Variants in AFG1L observed in about 807,000 individuals in gnomAD.
AFG1L encodes the protein AFG1-like ATPase.
AFG1L carries 53 observed loss-of-function variants against 62.2 expected under a neutral mutation model. The observed-to-expected ratio is 0.85, with a 90% CI of 0.68 to 1.07. The LOEUF is 1.07. AFG1L is among the 50% of genes least tolerant of loss of function. The pLI, the probability that AFG1L is intolerant of heterozygous loss-of-function variation, is 0.00. For synonymous variants in AFG1L, 228 were observed against 210.3 expected (o/e 1.08, Z -0.73); for missense variants, 555 against 590.5 (o/e 0.94, Z 0.62).
At chr6:108,427,139 A>G (rs1008976174) in intron 7 of AFG1L, among the ~76,000 whole-genome samples, 8 of 151,934 alleles carry the variant, frequency 5.3e-5, no homozygotes, top group African/African-American at 1.7e-4. Context: ...GTCTTTCCCT[A>G]TTGCCCAGGC....
intron 6 of AFG1L, among the ~76,000 whole-genome samples, chr6:108,401,317 T>A (rs1290864210): frequency 6.6e-6 from 1 of 151,546 alleles, no homozygotes; most frequent in Non-Finnish European, 1.5e-5. Flanking sequence ...TAATTTTTTG[T>A]ATTTTTAGTA....
At position 108,316,241 on chromosome 6, in the gene AFG1L, C is replaced by T. The variant is rs1448588577; in HGVS notation, c.140-7584C>T. ...CTAAAAATACAAAAAATTAGCCGGGCGTAGTGGCGGGCGCCTGTAGTCCCA... is the reference window on the plus strand; with the variant it reads ...CTAAAAATACAAAAAATTAGCCGGGTGTAGTGGCGGGCGCCTGTAGTCCCA... On this transcript the variant is annotated intron_variant, in intron 1 of 12. Coordinates refer to ENST00000368977, the MANE Select transcript of AFG1L (RefSeq NM_145315.5). Among the ~76,000 whole-genome samples, 721 of 148,006 alleles carry T rather than the reference C, an allele frequency of 4.9e-3. 2 individuals carry two copies. Among genetic ancestry groups the T allele is most frequent in the African/African-American group, 0.015 (589 of 40,358 alleles).
At chr6:108,304,819 C>T (rs1777142816) in intron 1 of AFG1L, among the ~76,000 whole-genome samples, 1 of 152,126 alleles carries the variant, frequency 6.6e-6, no homozygotes, top group South Asian at 2.1e-4. Flanking sequence ...TACTTTGAAG[C>T]ATTTTGATCA....
At chr6:108,404,945 G>A (rs1167888113) in intron 7 of AFG1L, among the ~76,000 whole-genome samples, 5 of 152,020 alleles carry the variant, frequency 3.3e-5, no homozygotes, top group Non-Finnish European at 7.4e-5. Context: ...GGCCAGGCTG[G>A]TCTCAAACTC....
chr6:108,348,907 A>AC (rs2114427324), intron 3 of AFG1L, among the ~76,000 whole-genome samples: 1 of 152,094 alleles, frequency 6.6e-6, no homozygotes, highest in Admixed American at 6.5e-5. Context: ...CTGTAAAAGC[A>AC]CTTTTTTTTT....
intron 3 of AFG1L, among the ~76,000 whole-genome samples, chr6:108,351,180 T>C (rs1269830715): frequency 6.6e-6 from 1 of 152,242 alleles, no homozygotes; most frequent in African/African-American, 2.4e-5. Context: ...AGGACATTTC[T>C]GTATACTACT....
intron 7 of AFG1L, among the ~76,000 whole-genome samples, chr6:108,419,715 C>CTGT (rs1021148534): frequency 2.6e-5 from 4 of 151,994 alleles, no homozygotes; most frequent in African/African-American, 9.7e-5. Flanking sequence ...TGTTTCTTGA[C>CTGT]TGTTGTGCAT....
chr6:108,482,577 T>G (rs1435599704), intron 10 of AFG1L, among the ~76,000 whole-genome samples: 2 of 152,182 alleles, frequency 1.3e-5, no homozygotes. Context: ...ATGTCCTTTT[T>G]CTGTTCCACA....
chr6:108,413,565 G>A (rs1385634624), intron 7 of AFG1L, among the ~76,000 whole-genome samples: 2 of 152,110 alleles, frequency 1.3e-5, no homozygotes. Flanking sequence ...ACAACAAACT[G>A]TCTCTCAGAC....
Position 108,516,401 on chromosome 6 carries a change from C to T in AFG1L, c.1204-3296C>T, listed in dbSNP as rs569842703. 3.9e-5 allele frequency among the ~76,000 whole-genome samples: 6 copies of T among 152,248 alleles called. No individual in the cohort carries two copies. The South Asian group carries it at 1.2e-3, about 32-fold the overall frequency. On this transcript the variant is annotated intron_variant, in intron 11 of 12. Coordinates refer to ENST00000368977, the MANE Select transcript of AFG1L (RefSeq NM_145315.5). ...TATCTACAGAACCAAAGACAAAAACCACATGATTATCTCAATAGATGCAGA... is the reference window on the plus strand; with the variant it reads ...TATCTACAGAACCAAAGACAAAAACTACATGATTATCTCAATAGATGCAGA...
At chr6:108,464,315 C>G (rs1772583658) in intron 8 of AFG1L, among the ~76,000 whole-genome samples, 1 of 152,064 alleles carries the variant, frequency 6.6e-6, no homozygotes, top group Non-Finnish European at 1.5e-5. Flanking sequence ...ATAATAAGGT[C>G]TTTTTTGACA....
intron 3 of AFG1L, among the ~76,000 whole-genome samples, chr6:108,353,300 A>G (rs1029592903): frequency 6.6e-5 from 10 of 151,932 alleles, no homozygotes; most frequent in Non-Finnish European, 1.3e-4. Flanking sequence ...GACTACAGGC[A>G]TGCACCACCA....
intron 7 of AFG1L, among the ~76,000 whole-genome samples, chr6:108,409,236 A>T (rs1475497017): frequency 1.3e-5 from 2 of 152,226 alleles, no homozygotes. Context: ...GACTTTTCTA[A>T]GATTTCTGGA....
chr6:108,373,797 C>T (rs911563975), intron 6 of AFG1L, among the ~76,000 whole-genome samples: 4 of 151,970 alleles, frequency 2.6e-5, no homozygotes, highest in African/African-American at 4.8e-5. Context: ...AGACTGGTCT[C>T]GAACTCCTGA....
chr6:108,440,995 T>G (rs1035739068), intron 7 of AFG1L, among the ~76,000 whole-genome samples: 9 of 152,210 alleles, frequency 5.9e-5, no homozygotes, highest in Non-Finnish European at 1.3e-4. Context: ...AAGTTCGATT[T>G]ATGTAGTTGG....
intron 6 of AFG1L, among the ~76,000 whole-genome samples, chr6:108,378,326 G>C (rs1780340825): frequency 6.6e-6 from 1 of 151,610 alleles, no homozygotes; most frequent in African/African-American, 2.4e-5. Context: ...TTGTTTGTTT[G>C]TTTGTTTTTT....
At chr6:108,308,309 C>T (rs919801205) in intron 1 of AFG1L, among the ~76,000 whole-genome samples, 1 of 151,946 alleles carries the variant, frequency 6.6e-6, no homozygotes, top group Non-Finnish European at 1.5e-5. Context: ...GCCACCACAC[C>T]CAGCTAATTG....
At chr6:108,396,779 C>T (rs890222218) in intron 6 of AFG1L, among the ~76,000 whole-genome samples, 1 of 152,246 alleles carries the variant, frequency 6.6e-6, no homozygotes, top group Non-Finnish European at 1.5e-5. Context: ...GCTTGAGCCA[C>T]TGCACCCAGG....
At chr6:108,378,539 G>A (rs1183431519) in intron 6 of AFG1L, among the ~76,000 whole-genome samples, 10 of 152,048 alleles carry the variant, frequency 6.6e-5, no homozygotes, top group African/African-American at 1.7e-4. Context: ...GGCTGGTCTC[G>A]AACTCCCGAC....
Sources: allele counts gnomAD v4.1 joint callset (sites outside exome capture counted in the v4.1 genomes callset), GRCh38; gene constraint gnomAD v4.1.1; transcripts MANE v1.5; gene names NCBI Gene and HGNC (gene_info 2026-07-23, HGNC 2026-07-21).